GABRG3: variants seen among roughly 807,000 people sequenced by gnomAD.
GABRG3 encodes gamma-aminobutyric acid type A receptor subunit gamma3.
GABRG3 carries 25 observed loss-of-function variants against 48.8 expected under a neutral mutation model. The ratio of observed to expected loss-of-function variants is 0.51; its 90% CI spans 0.37 to 0.72. The LOEUF is 0.72. GABRG3 is among the 30% of genes least tolerant of loss of function. The probability of loss-of-function intolerance (pLI) is 0.00; values close to 1 mark genes in which losing one functional copy is unlikely to be tolerated. For synonymous variants in GABRG3, 227 were observed against 217.6 expected, an observed-to-expected ratio of 1.04 and a Z score of -0.38; for missense variants, 394 against 577.9, an observed-to-expected ratio of 0.68 and a Z score of 3.26.
chr15:27,234,877 A>G (rs1213745430), intron 3 of GABRG3, among the ~76,000 whole-genome samples: 1 of 152,134 alleles, frequency 6.6e-6, no homozygotes, highest in Non-Finnish European at 1.5e-5. Context: ...GAGAGGGGCC[A>G]CCTGGGCTCC....
Position 27,148,370 on chromosome 15 carries a change from C to T in GABRG3, c.270+121549C>T, listed in dbSNP as rs181210972. 8.8e-3 allele frequency among the ~76,000 whole-genome samples: 1,345 copies of T among 152,026 alleles called. 19 individuals carry two copies. The highest frequency in any genetic ancestry group is 0.021 in the South Asian group (102 of 4,822). On this transcript the variant is annotated intron_variant, in intron 3 of 9. Transcript: ENST00000615808. ...TTTTAGTAACCAGAAGCCTTACCAT[C>T]GAGTAAAGTGTAGACCTAAATGGCT... is the stretch of plus-strand genomic sequence containing the variant.
intron 5 of GABRG3, among the ~76,000 whole-genome samples, chr15:27,382,928 G>A (rs1477645240): frequency 2.6e-5 from 4 of 152,134 alleles, no homozygotes; most frequent in Non-Finnish European, 5.9e-5. Context: ...AATGTTGAGT[G>A]TGCTTGGATA....
At chr15:27,192,559 T>G (rs972924572) in intron 3 of GABRG3, among the ~76,000 whole-genome samples, 1 of 152,244 alleles carries the variant, frequency 6.6e-6, no homozygotes, top group Non-Finnish European at 1.5e-5. Flanking sequence ...TTCTTGAGCC[T>G]TGGTTTTCAG....
chr15:27,391,946 A>G (rs977138545), intron 5 of GABRG3, among the ~76,000 whole-genome samples: 14 of 152,234 alleles, frequency 9.2e-5, no homozygotes, highest in Admixed American at 9.2e-4. Context: ...CTTGGATGAG[A>G]ATCATGTGCT....
chr15:27,386,647 C>G (rs1895930051), intron 5 of GABRG3, among the ~76,000 whole-genome samples: 1 of 152,138 alleles, frequency 6.6e-6, no homozygotes, highest in Admixed American at 6.5e-5. Flanking sequence ...GGAGGCCCTG[C>G]TTTCCAGGGC....
chr15:27,465,395 C>T (rs542758551), intron 5 of GABRG3, among the ~76,000 whole-genome samples: 3 of 152,330 alleles, frequency 2.0e-5, no homozygotes, highest in Admixed American at 1.3e-4. Context: ...CAGCTGCTTT[C>T]CCTCAGGGAA....
At chr15:27,465,751 C>T (rs1029907260) in intron 5 of GABRG3, among the ~76,000 whole-genome samples, 9 of 152,096 alleles carry the variant, frequency 5.9e-5, no homozygotes, top group African/African-American at 2.2e-4. Context: ...TGGCTCATAC[C>T]AAATCTCTCT....
At chr15:27,284,292 AATT>A (rs1891536416) in intron 3 of GABRG3, among the ~76,000 whole-genome samples, 1 of 152,236 alleles carries the variant, frequency 6.6e-6, no homozygotes, top group Non-Finnish European at 1.5e-5. Flanking sequence ...TTTAGAAGCC[AATT>A]TAGGATGTGC....
At position 27,314,242 on chromosome 15, in the gene GABRG3, A is replaced by C. The variant is rs1424802818; in HGVS notation, c.271-12567A>C. Among the ~76,000 whole-genome samples the C allele has an allele frequency of 1.4e-4, 22 of 152,178 alleles. 1 individual carries two copies. The highest frequency in any genetic ancestry group is 1.2e-3 in the Admixed American group (19 of 15,266). On this transcript the variant is annotated intron_variant, in intron 3 of 9. Transcript: ENST00000615808. ...ACAATATTAATAAACTGGTTGAAAA[A>C]TGGACTAAAGACTTGACTATACATG...
chr15:27,124,776 G>T (rs1897790290), intron 3 of GABRG3, among the ~76,000 whole-genome samples: 1 of 152,206 alleles, frequency 6.6e-6, no homozygotes, highest in South Asian at 2.1e-4. Flanking sequence ...CCTCAGGCAA[G>T]GCCCCATAAA....
At chr15:27,260,546 T>C (rs1474592702) in intron 3 of GABRG3, among the ~76,000 whole-genome samples, 1 of 152,106 alleles carries the variant, frequency 6.6e-6, no homozygotes, top group Admixed American at 6.6e-5. Flanking sequence ...ATAAAAAATA[T>C]TTAAATTGTG....
chr15:27,278,744 T>A (rs1891337688), intron 3 of GABRG3, among the ~76,000 whole-genome samples: 1 of 152,232 alleles, frequency 6.6e-6, no homozygotes. Flanking sequence ...ATGAGAAAGC[T>A]GCTGTGTATA....
At chr15:27,308,943 G>A (rs1424040555) in intron 3 of GABRG3, among the ~76,000 whole-genome samples, 3 of 142,678 alleles carry the variant, frequency 2.1e-5, no homozygotes, top group African/African-American at 2.9e-5. Context: ...CACATATAAT[G>A]TAAACATGTT....
At chr15:27,384,209 A>C (rs1895858382) in intron 5 of GABRG3, among the ~76,000 whole-genome samples, 1 of 152,242 alleles carries the variant, frequency 6.6e-6, no homozygotes, top group Admixed American at 6.5e-5. Flanking sequence ...GCAACAGAAA[A>C]TACCCAGGAT....
chr15:27,437,032 A>AGAGAGC (rs757526143), intron 5 of GABRG3, among the ~76,000 whole-genome samples: 1 of 144,866 alleles, frequency 6.9e-6, no homozygotes, highest in Non-Finnish European at 1.5e-5. Context: ...AGAGAGAGAG[A>AGAGAGC]GCGCCCACAT....
intron 2 of GABRG3, among the ~76,000 whole-genome samples, chr15:27,007,740 C>T (rs1016444479): frequency 6.6e-6 from 1 of 152,088 alleles, no homozygotes; most frequent in African/African-American, 2.4e-5. Flanking sequence ...GTCCTTTACC[C>T]ATTATTGATG....
At chr15:27,311,437 G>C (rs1474818751) in intron 3 of GABRG3, among the ~76,000 whole-genome samples, 1 of 152,122 alleles carries the variant, frequency 6.6e-6, no homozygotes, top group Non-Finnish European at 1.5e-5. Context: ...TGTCTAGCCT[G>C]TCTCAGAGTG....
At chr15:27,065,604 C>T (rs1052070105) in intron 3 of GABRG3, among the ~76,000 whole-genome samples, 6 of 152,176 alleles carry the variant, frequency 3.9e-5, no homozygotes, top group Non-Finnish European at 5.9e-5. Context: ...CCAGTAATCT[C>T]TGTGTGCTTT....
chr15:27,000,389 T>C lies in GABRG3; in HGVS notation c.202+23239T>C, dbSNP rs73366092. On this transcript the variant is annotated intron_variant, in intron 2 of 9. Coordinates refer to ENST00000615808, the MANE Select transcript of GABRG3 (RefSeq NM_033223.5). ...TCTGGCAGACTCTAGGGCTAATTAC[T>C]CCCCACTACTGAGTCAAGATTTTCC... 5.7e-3 allele frequency among the ~76,000 whole-genome samples: 872 copies of C among 152,258 alleles called. 10 individuals are homozygous for C. The highest frequency in any genetic ancestry group is 0.02 in the African/African-American group (827 of 41,534).
Sources: allele counts gnomAD v4.1 joint callset (sites outside exome capture counted in the v4.1 genomes callset), GRCh38; gene constraint gnomAD v4.1.1; transcripts MANE v1.5; gene names NCBI Gene and HGNC (gene_info 2026-07-23, HGNC 2026-07-21).